Variants in IL1RAPL2 observed in about 807,000 individuals in gnomAD.
The protein encoded by IL1RAPL2 is X-linked interleukin-1 receptor accessory protein-like 2.
A neutral mutation model predicts 44.1 loss-of-function variants in IL1RAPL2; 3 were observed. The ratio of observed to expected loss-of-function variants is 0.07; its 90% CI spans 0.03 to 0.18. The LOEUF (loss-of-function observed/expected upper bound fraction) is 0.18, where lower values mean the gene tolerates loss of function less well. Ranked by LOEUF, IL1RAPL2 falls within the 10% of genes least tolerant of loss-of-function variation. IL1RAPL2 has a pLI of 1.00. For synonymous variants in IL1RAPL2, 181 were observed against 178.8 expected, an observed-to-expected ratio of 1.01 and a Z score of -0.10; for missense variants, 391 against 496.4, an observed-to-expected ratio of 0.79 and a Z score of 2.02.
chrX:105,659,186 C>CG (rs1191673985), intron 6 of IL1RAPL2, among the ~76,000 whole-genome samples: 2 of 109,618 alleles, frequency 1.8e-5, no homozygotes, highest in African/African-American at 6.6e-5. Flanking sequence ...CAACACCACC[C>CG]GGGAACACAT....
chrX:105,135,296 G>A (rs916514865), intron 2 of IL1RAPL2, among the ~76,000 whole-genome samples: 1 of 111,144 alleles, frequency 9.0e-6, no homozygotes, highest in Non-Finnish European at 1.9e-5. Context: ...AAATGATCTG[G>A]TGTGTTTATA....
intron 5 of IL1RAPL2, among the ~76,000 whole-genome samples, chrX:105,310,444 G>A (rs1369598720): frequency 9.0e-6 from 1 of 110,975 alleles, no homozygotes; most frequent in African/African-American, 3.3e-5. Context: ...CCTAGTGTTT[G>A]CCTACCTGCA....
Position 104,674,177 on chromosome X carries a change from A to C in IL1RAPL2, c.82+15182A>C, listed in dbSNP as rs778811900. Among the ~76,000 whole-genome samples the C allele has an allele frequency of 4.6e-4, 52 of 112,082 alleles. No homozygotes were observed. The East Asian group carries it at 5.3e-3, about 12-fold the overall frequency. ...AGAGAGGGCATCCCTGTCTTGTGCC[A>C]GTTTTCAAAGGGAATGCTTCCAGTT... On this transcript the variant is annotated intron_variant, in intron 2 of 10. Coordinates refer to ENST00000372582, the MANE Select transcript of IL1RAPL2 (RefSeq NM_017416.2).
chrX:105,046,596 C>G (rs2031839683), intron 2 of IL1RAPL2, among the ~76,000 whole-genome samples: 1 of 111,000 alleles, frequency 9.0e-6, no homozygotes. Context: ...ATATCCAGTG[C>G]AATGCATTTA....
intron 2 of IL1RAPL2, among the ~76,000 whole-genome samples, chrX:104,677,560 G>T (rs1272293186): frequency 8.9e-6 from 1 of 112,243 alleles, no homozygotes; most frequent in East Asian, 2.8e-4. Flanking sequence ...GTTTGTCTGT[G>T]CCCTGCCCCC....
At chrX:105,633,390 TATC>T (rs1234774907) in intron 6 of IL1RAPL2, among the ~76,000 whole-genome samples, 1 of 111,867 alleles carries the variant, frequency 8.9e-6, no homozygotes, top group Non-Finnish European at 1.9e-5. Flanking sequence ...ATAAAATAAT[TATC>T]ATCTTTGTTG....
At chrX:105,206,578 G>A (rs999659326) in intron 3 of IL1RAPL2, among the ~76,000 whole-genome samples, 1 of 112,076 alleles carries the variant, frequency 8.9e-6, no homozygotes, top group African/African-American at 3.2e-5. Flanking sequence ...ATAAAGTTCT[G>A]TGCTTCTGTG....
At chrX:105,754,350 G>GA (rs1349943698) in intron 9 of IL1RAPL2, among the ~76,000 whole-genome samples, 2 of 111,226 alleles carry the variant, frequency 1.8e-5, no homozygotes, top group African/African-American at 3.3e-5. Context: ...CATTTTGCAG[G>GA]AAAAAAAATT....
At chrX:105,449,357 G>T (rs2036000370) in intron 5 of IL1RAPL2, among the ~76,000 whole-genome samples, 1 of 110,820 alleles carries the variant, frequency 9.0e-6, no homozygotes, top group Admixed American at 9.6e-5. Context: ...GGCTGAGGTG[G>T]GCAGATCACG....
chrX:104,972,871 A>G (rs2030262587), intron 2 of IL1RAPL2, among the ~76,000 whole-genome samples: 1 of 112,007 alleles, frequency 8.9e-6, no homozygotes, highest in Non-Finnish European at 1.9e-5. Context: ...CTGAGTGTTG[A>G]TTCTTTTAAA....
At chrX:105,220,183 A>T (rs782701321) in intron 3 of IL1RAPL2, 2 of 1,211,138 alleles carry the variant, frequency 1.7e-6, no homozygotes, top group Non-Finnish European at 2.2e-6. Context: ...TCCCAAGGCC[A>T]GGCTGCCCCA....
At chrX:105,030,857 G>C (rs925390384) in intron 2 of IL1RAPL2, among the ~76,000 whole-genome samples, 1 of 111,644 alleles carries the variant, frequency 9.0e-6, no homozygotes, top group Non-Finnish European at 1.9e-5. Flanking sequence ...TCACGATATT[G>C]ATTCTTCCTA....
chrX:104,599,658 A>G (rs1345554209), intron 1 of IL1RAPL2, among the ~76,000 whole-genome samples: 1 of 92,670 alleles, frequency 1.1e-5, no homozygotes, highest in African/African-American at 5.5e-5. Context: ...TAGCACACAC[A>G]CACACACACA....
chrX:105,466,833 C>G (rs1214379730), intron 5 of IL1RAPL2, among the ~76,000 whole-genome samples: 1 of 111,351 alleles, frequency 9.0e-6, no homozygotes, highest in African/African-American at 3.3e-5. Context: ...GGCTGGTAAG[C>G]CCAAGGTCTA....
intron 2 of IL1RAPL2, among the ~76,000 whole-genome samples, chrX:104,981,732 T>A (rs1224860408): frequency 9.0e-6 from 1 of 111,413 alleles, no homozygotes; most frequent in Non-Finnish European, 1.9e-5. Flanking sequence ...ATTGCTCTTA[T>A]TATTTTGAGT....
intron 6 of IL1RAPL2, among the ~76,000 whole-genome samples, chrX:105,635,240 G>A (rs756373419): frequency 1.7e-4 from 19 of 111,627 alleles, no homozygotes; most frequent in Non-Finnish European, 2.8e-4. Context: ...CGATGAGCAT[G>A]GCTGACACAT....
chrX:104,781,703 C>T (rs2044936660), intron 2 of IL1RAPL2, among the ~76,000 whole-genome samples: 1 of 112,036 alleles, frequency 8.9e-6, no homozygotes, highest in African/African-American at 3.2e-5. Context: ...GCAGAAGATG[C>T]TCACATCAAT....
chrX:105,101,254 C>T (rs958446529), intron 2 of IL1RAPL2, among the ~76,000 whole-genome samples: 2 of 111,863 alleles, frequency 1.8e-5, no homozygotes, highest in African/African-American at 6.5e-5. Context: ...TTACTTGGCC[C>T]TCTGTCATTA....
rs181729646 is a variant in IL1RAPL2, at chrX:105,345,651, T to C, written c.697+78110T>C. On this transcript the variant is annotated intron_variant, in intron 5 of 10. Transcript: ENST00000372582. ...TAAACTTTTCTTGCTCTGAGCATGATAGTGGCATTTTTTTAGGCCATCCAC... is the reference window on the plus strand; with the variant it reads ...TAAACTTTTCTTGCTCTGAGCATGACAGTGGCATTTTTTTAGGCCATCCAC... Among the ~76,000 whole-genome samples, 5 of 111,675 alleles carry C rather than the reference T, an allele frequency of 4.5e-5. No individual in the cohort carries two copies. The East Asian group carries it at 1.4e-3, about 31-fold the overall frequency.
Sources: allele counts gnomAD v4.1 joint callset (sites outside exome capture counted in the v4.1 genomes callset), GRCh38; gene constraint gnomAD v4.1.1; transcripts MANE v1.5; gene names NCBI Gene and HGNC (gene_info 2026-07-23, HGNC 2026-07-21).